The following ACVR1B variants were observed in gnomAD, a reference collection of about 807,000 sequenced individuals.
ACVR1B encodes the protein activin A receptor type 1B.
ACVR1B carries 15 observed loss-of-function variants against 55.6 expected under a neutral mutation model. That is an observed-to-expected ratio of 0.27 (90% CI 0.18 to 0.42). ACVR1B has a LOEUF of 0.42. Among genes scored for constraint, ACVR1B ranks in the 10% least tolerant of loss-of-function variants. The pLI is 1.00. For synonymous variants in ACVR1B, 247 were observed against 254.6 expected, an observed-to-expected ratio of 0.97 and a Z score of 0.28; for missense variants, 359 against 670.1, an observed-to-expected ratio of 0.54 and a Z score of 5.13.
At chr12:51,956,707 G>C (rs116693701) in intron 1 of ACVR1B, among the ~76,000 whole-genome samples, 2 of 152,114 alleles carry the variant, frequency 1.3e-5, no homozygotes, top group African/African-American at 4.8e-5. Flanking sequence ...AGGTTCCTGC[G>C]AGCCTCTGGT....
chr12:51,986,107 A>G (rs1469110482), intron 6 of ACVR1B, among the ~76,000 whole-genome samples: 2 of 152,168 alleles, frequency 1.3e-5, no homozygotes, highest in Non-Finnish European at 2.9e-5. Flanking sequence ...TCGGAATGAA[A>G]CTTAAGCTCA....
rs1942024265 is a variant in ACVR1B, at chr12:51,983,646, T to C, written c.812-353T>C. On this transcript the variant is annotated intron_variant, in intron 4 of 8. Transcript: ENST00000257963. ...CAAGTCTTGGTCAGGATCAAAGCAG[T>C]GCTGCACACAAAGCTGGTGATAGCT... 2.0e-5 allele frequency among the ~76,000 whole-genome samples: 3 copies of C among 152,206 alleles called. No homozygotes were observed. In the South Asian group the frequency reaches 6.2e-4, roughly 31 times the overall value.
intron 2 of ACVR1B, 95 bp from the exon 3 acceptor site, chr12:51,976,232 G>A: frequency 7.0e-7 from 1 of 1,433,948 alleles, no homozygotes; most frequent in Non-Finnish European, 9.6e-7. Flanking sequence ...ACAGGGAAAG[G>A]GGTCTTTTTC....
chr12:51,986,734 C>T (rs2120713742), intron 6 of ACVR1B, 84 bp from the exon 7 acceptor site: 1 of 1,527,564 alleles, frequency 6.5e-7, no homozygotes, highest in South Asian at 1.3e-5. Context: ...CTTCCACATT[C>T]AGAGGGCTCC....
Position 51,991,970 on chromosome 12 carries a change from C to T in ACVR1B, c.1369C>T (p.Pro457Ser), listed in dbSNP as rs768090769. 4.3e-6 allele frequency: 7 copies of T among 1,614,186 alleles called. No individual in the cohort carries two copies. The highest frequency in any genetic ancestry group is 5.9e-6 in the Non-Finnish European group (7 of 1,180,038). ...VCDQKLRPNI[P>S]NWWQSYEALR... ...TGATCAGAAGCTGCGTCCCAACATCCCCAACTGGTGGCAGAGTTATGAGGT... is the reference window on the plus strand; with the variant it reads ...TGATCAGAAGCTGCGTCCCAACATCTCCAACTGGTGGCAGAGTTATGAGGT... Residue 457 changes from proline to serine, a missense_variant, in exon 8 of 9, where the codon CCC (proline) becomes TCC (serine). Pro to Ser is a moderately conservative substitution (Grantham distance 74). This residue lies in a region of ACVR1B where 53 missense variants were observed against 78.5 expected (regional missense o/e 0.68). Coordinates refer to ENST00000257963, the MANE Select transcript of ACVR1B (RefSeq NM_004302.5).
intron 7 of ACVR1B, chr12:51,987,239 G>A (rs1173211274): frequency 1.6e-6 from 1 of 642,396 alleles, no homozygotes; most frequent in Non-Finnish European, 2.8e-6. Context: ...GTGCCCCGGT[G>A]CGCATAGCAC....
chr12:51,957,762 C>T (rs1036058045), intron 1 of ACVR1B, among the ~76,000 whole-genome samples: 2 of 152,162 alleles, frequency 1.3e-5, no homozygotes, highest in Non-Finnish European at 2.9e-5. Context: ...TAACATTGAA[C>T]TTTACTGACA....
intron 7 of ACVR1B, 166 bp downstream of exon 7, chr12:51,987,108 G>A (rs1397299245): frequency 1.1e-6 from 1 of 915,186 alleles, no homozygotes; most frequent in Admixed American, 1.9e-5. Flanking sequence ...GCTGTGCTTA[G>A]GGTGCGTTTA....
At position 51,981,021 on chromosome 12, in the gene ACVR1B, G is replaced by A. The variant is rs371791439; in HGVS notation, c.633G>A (p.Glu211=). Residue 211 remains glutamate (E), a synonymous_variant, in exon 4 of 9, where the codon GAG becomes GAA. Transcript: ENST00000257963. ...RTVARTIVLQ[E]IIGKGRFGEV... The stretch of plus-strand genomic sequence containing the variant: ...TGGCCCGAACCATCGTTTTACAAGA[G>A]ATTATTGGCAAGGGTCGGTTTGGGG... The A allele has an allele frequency of 1.3e-5, 21 of 1,614,116 alleles. No individual in the cohort carries two copies. Among genetic ancestry groups the A allele is most frequent in the African/African-American group, 1.1e-4 (8 of 74,944 alleles).
In ACVR1B at chr12:51,976,433, C is replaced by G. The variant is rs756478246; in HGVS notation, c.438C>G (p.Phe146Leu). 9 of 1,614,030 alleles carry G rather than the reference C, an allele frequency of 5.6e-6. No individual in the cohort carries two copies. Among genetic ancestry groups the G allele is most frequent in the Non-Finnish European group, 7.6e-6 (9 of 1,180,052 alleles). ...FLLFLIIIIV[F>L]LVINYHQRVY... ...TGTTCCTCATCATCATCATTGTTTT[C>G]CTTGTCATTAACTATCATCAGCGTG... Residue 146 changes from phenylalanine to leucine, a missense_variant, in exon 3 of 9, where the codon TTC becomes TTG. By Grantham distance (22) the Phe-to-Leu change is conservative. Coordinates refer to ENST00000257963, the MANE Select transcript of ACVR1B (RefSeq NM_004302.5).
intron 1 of ACVR1B, among the ~76,000 whole-genome samples, chr12:51,965,872 G>C (rs1343855806): frequency 6.6e-6 from 1 of 152,178 alleles, no homozygotes; most frequent in African/African-American, 2.4e-5. Context: ...ATTTGATCTT[G>C]CATGTTGGAT....
chr12:51,992,356 T>C, intron 8 of ACVR1B: 1 of 326,374 alleles, frequency 3.1e-6, no homozygotes, highest in Non-Finnish European at 5.6e-6. Flanking sequence ...AATAAAAAAT[T>C]AGGCTTGGTG....
intron 3 of ACVR1B, among the ~76,000 whole-genome samples, chr12:51,978,493 T>C (rs1941910995): frequency 6.6e-6 from 1 of 152,158 alleles, no homozygotes. Context: ...AATAAGTATA[T>C]ACTGAATACC....
At chr12:51,972,614 A>G (rs1424748947) in intron 1 of ACVR1B, among the ~76,000 whole-genome samples, 1 of 152,156 alleles carries the variant, frequency 6.6e-6, no homozygotes, top group Non-Finnish European at 1.5e-5. Flanking sequence ...CGGGTGCGAG[A>G]AGGTTAATAC....
chr12:51,955,786 G>A (rs1381944770), intron 1 of ACVR1B, among the ~76,000 whole-genome samples: 1 of 152,192 alleles, frequency 6.6e-6, no homozygotes, highest in Non-Finnish European at 1.5e-5. Flanking sequence ...TTTCTCACCA[G>A]TGCTTCTGAT....
intron 4 of ACVR1B, chr12:51,982,576 C>G (rs1941999680): frequency 8.2e-7 from 1 of 1,225,790 alleles, no homozygotes; most frequent in South Asian, 2.0e-5. Flanking sequence ...GTGGAAGGGT[C>G]TCTCTAGCAG....
intron 7 of ACVR1B, among the ~76,000 whole-genome samples, chr12:51,988,474 AAAC>A (rs1312872345): frequency 1.3e-5 from 2 of 152,200 alleles, no homozygotes; most frequent in Admixed American, 1.3e-4. Flanking sequence ...CTCAAAGAAA[AAAC>A]AAACAAACTA....
At chr12:51,972,969 C>T (rs1397662644) in intron 1 of ACVR1B, among the ~76,000 whole-genome samples, 1 of 152,156 alleles carries the variant, frequency 6.6e-6, no homozygotes, top group African/African-American at 2.4e-5. Flanking sequence ...TTATCACAAA[C>T]CCACACGGCC....
intron 1 of ACVR1B, among the ~76,000 whole-genome samples, chr12:51,952,569 C>T (rs996504214): frequency 1.3e-5 from 2 of 152,150 alleles, no homozygotes; most frequent in African/African-American, 4.8e-5. Context: ...CTTTGGAATC[C>T]CTAACCCTAT....
Sources: gnomAD v4.1 joint callset for allele counts (sites outside exome capture counted in the v4.1 genomes callset) on GRCh38, gnomAD v4.1.1 for gene constraint, gnomAD v4.1.1 regional missense constraint, MANE v1.5 for transcripts, NCBI Gene and HGNC (gene_info 2026-07-23, HGNC 2026-07-21) for gene names.